Variants in DYNC1H1 observed in about 807,000 individuals in gnomAD.
The protein encoded by DYNC1H1 is dynein cytoplasmic 1 heavy chain 1.
DYNC1H1 carries 51 observed loss-of-function variants against 527.1 expected under a neutral mutation model. The observed-to-expected ratio is 0.10, with a 90% CI of 0.08 to 0.12. The LOEUF (loss-of-function observed/expected upper bound fraction) is 0.12, where lower values mean the gene tolerates loss of function less well. Among genes scored for constraint, DYNC1H1 ranks in the 10% least tolerant of loss-of-function variants. The pLI, the probability that DYNC1H1 is intolerant of heterozygous loss-of-function variation, is 1.00. For missense variants in DYNC1H1, 2,771 were observed against 5,971.8 expected (o/e 0.46, Z 17.66); for synonymous variants, 2,189 against 2,278.8 (o/e 0.96, Z 1.12).
At position 102,016,496 on chromosome 14, in the gene DYNC1H1, A is replaced by T. The variant is rs2048324330; in HGVS notation, c.7614+7A>T. The T allele has an allele frequency of 1.2e-6, 2 of 1,614,188 alleles. No homozygotes were observed. The highest frequency in any genetic ancestry group is 2.7e-5 in the African/African-American group (2 of 75,056). ...ACCCATTATCGATTATGAGGTGAGC[A>T]TGCAGCTACCACCCGTGTTTCTGAT... On this transcript the variant is annotated splice_region_variant and intron_variant, in intron 37 of 77. Coordinates refer to ENST00000360184, the MANE Select transcript of DYNC1H1 (RefSeq NM_001376.5). This position sits in a 1 kb window ranked among gnomAD's most constrained non-coding sequence, Gnocchi z 7.3.
rs1030901794 is a variant in DYNC1H1 at position 101,980,304 on chromosome 14, G to A, written c.775-60G>A. 12 of 1,586,786 alleles carry A rather than the reference G, an allele frequency of 7.6e-6. No homozygotes were observed. In the African/African-American group the frequency reaches 8.1e-5, roughly 11 times the overall value. Reference sequence around the variant, plus strand: ...GTTGTAATGCATGTGTTTTGTTAACGATATCTATTCTACCTTGTTTAAATA... The same window carrying A: ...GTTGTAATGCATGTGTTTTGTTAACAATATCTATTCTACCTTGTTTAAATA... On this transcript the variant is annotated intron_variant, in intron 4 of 77. Transcript: ENST00000360184.
At chr14:102,004,998 A>G (rs1567008027) in intron 25 of DYNC1H1, 44 bp from the exon 26 acceptor site, 4 of 1,614,232 alleles carry the variant, frequency 2.5e-6, no homozygotes, top group East Asian at 2.2e-5. Flanking sequence ...ACGCAGACCA[A>G]TCTTTAAAAT....
At chr14:102,032,570 G>T in intron 52 of DYNC1H1, 103 bp downstream of exon 52, 3 of 1,459,374 alleles carry the variant, frequency 2.1e-6, no homozygotes, top group Non-Finnish European at 1.9e-6. Flanking sequence ...CGGCTGTTCA[G>T]GCCAGGCACA....
Position 102,017,707 on chromosome 14 carries a change from C to G in DYNC1H1, c.8177+203C>G. 1.0e-6 allele frequency: 1 copy of G among 988,698 alleles called. No individual in the cohort carries two copies. The highest frequency in any genetic ancestry group is 2.3e-5 in the Admixed American group (1 of 43,896). 61.2% of individuals were successfully genotyped at this position (988,698 alleles called of 1,614,324 possible). ...ATTGGCCGGGCGCAGTGGCTTACGC[C>G]TATAATCCCAGCACTTTGGGAGGCC... On this transcript the variant is annotated intron_variant, in intron 40 of 77. Coordinates refer to ENST00000360184, the MANE Select transcript of DYNC1H1 (RefSeq NM_001376.5). The surrounding 1 kb of genome is among the most constrained non-coding windows in gnomAD (Gnocchi z 4.6).
rs1445007219 is a variant in DYNC1H1, at chr14:102,016,166, G to A, written c.7473+80G>A. On this transcript the variant is annotated intron_variant, in intron 36 of 77. Transcript: ENST00000360184. This position sits in a 1 kb window ranked among gnomAD's most constrained non-coding sequence, Gnocchi z 7.3. The stretch of plus-strand genomic sequence containing the variant: ...TGAGGACCTCTGAAATGCTGCACCT[G>A]TGGGGATGTGCGCTCTCTCCTAGGC... The A allele has an allele frequency of 1.3e-6, 2 of 1,528,932 alleles. No homozygotes were observed. Among genetic ancestry groups the A allele is most frequent in the African/African-American group, 1.4e-5 (1 of 72,598 alleles). 94.7% of individuals were successfully genotyped at this position (1,528,932 alleles called of 1,614,324 possible). A position where few individuals can be genotyped will look rare whatever the true frequency, so the allele number is the denominator to read the frequency against.
rs139978287 is a variant in DYNC1H1 at position 101,998,387 on chromosome 14, C to T, written c.3804+1113C>T. Among the ~76,000 whole-genome samples the T allele has an allele frequency of 1.4e-3, 210 of 151,008 alleles. 1 individual carries two copies. Among genetic ancestry groups the T allele is most frequent in the African/African-American group, 4.8e-3 (195 of 41,044 alleles). On this transcript the variant is annotated intron_variant, in intron 16 of 77. Coordinates refer to ENST00000360184, the MANE Select transcript of DYNC1H1 (RefSeq NM_001376.5). ...ATAAACGCTGATCTGATAATACAAA[C>T]GCCTGGACCCCTCTCCCCTTTATAA...
rs1484646489 is a variant in DYNC1H1, at chr14:102,000,115, C to T, written c.3931C>T (p.Leu1311Phe). The part of the protein sequence containing the change: ...KEALELTDTG[L>F]LSGSEERVQV... Reference sequence around the variant, plus strand: ...GGCGCTGGAATTGACAGATACTGGGCTTCTCAGTGGCAGTGAAGAGCGCGT... The same window carrying T: ...GGCGCTGGAATTGACAGATACTGGGTTTCTCAGTGGCAGTGAAGAGCGCGT... Residue 1311 changes from leucine to phenylalanine, a missense_variant, in exon 17 of 78, where the codon CTT (leucine) becomes TTT (phenylalanine). Transcript: ENST00000360184. 5 of 1,614,062 alleles carry T rather than the reference C, an allele frequency of 3.1e-6. No individual in the cohort carries two copies.
In DYNC1H1 at chr14:102,053,325, A is replaced by C. The variant is rs1222190179; in HGVS notation, c.*2762A>C. 2 of 150,844 alleles carry C rather than the reference A, an allele frequency of 1.3e-5. No homozygotes were observed. The highest frequency in any genetic ancestry group is 2.9e-5 in the Non-Finnish European group (2 of 67,822). The allele number at this position is 150,844 out of a possible 1,614,324, so 9.3% of individuals were successfully genotyped here. Reference sequence around the variant, plus strand: ...GTATTTTTAGTAGAGACGGGGTTTCACCATATTGGTCAGGCTGGTCTTGAA... The same window carrying C: ...GTATTTTTAGTAGAGACGGGGTTTCCCCATATTGGTCAGGCTGGTCTTGAA... On this transcript the variant is annotated 3_prime_UTR_variant, in exon 78 of 78. Transcript: ENST00000360184.
chr14:102,032,733 G>C (rs2048523712), intron 52 of DYNC1H1: 1 of 575,280 alleles, frequency 1.7e-6, no homozygotes, highest in South Asian at 2.0e-5. Context: ...TGCGCCTGTA[G>C]TCCTAGCTAC....
chr14:101,991,283 G>C (rs2047995581), intron 10 of DYNC1H1, among the ~76,000 whole-genome samples: 1 of 152,140 alleles, frequency 6.6e-6, no homozygotes, highest in African/African-American at 2.4e-5. Context: ...AGACCAACCT[G>C]ACCAACATGC....
In DYNC1H1 at chr14:102,027,496, A is replaced by G. The variant is rs754834522; in HGVS notation, c.9000A>G (p.Leu3000=). 1.1e-5 allele frequency: 17 copies of G among 1,614,098 alleles called. No individual in the cohort carries two copies. Among genetic ancestry groups the G allele is most frequent in the African/African-American group, 5.3e-5 (4 of 74,932 alleles). Residue 3000 remains leucine (L), a synonymous_variant, in exon 46 of 78, where the codon TTA becomes TTG. Coordinates refer to ENST00000360184, the MANE Select transcript of DYNC1H1 (RefSeq NM_001376.5). This position sits in a 1 kb window ranked among gnomAD's most constrained non-coding sequence, Gnocchi z 7.7. The stretch of plus-strand genomic sequence containing the variant: ...TTATAATGGATGAATCTAATGTGTT[A>G]GATTCTGGATTCCTGGAGCGAATGA... The part of the protein sequence containing the change: ...IAFIMDESNV[L]DSGFLERMNT...
chr14:101,981,433 T>A (rs1205135100), intron 5 of DYNC1H1, among the ~76,000 whole-genome samples: 1 of 152,256 alleles, frequency 6.6e-6, no homozygotes. Context: ...ATTATTACAA[T>A]TATTTTTAAA....
intron 12 of DYNC1H1, 21 bp downstream of exon 12, chr14:101,994,345 T>C (rs1335441235): frequency 1.9e-6 from 3 of 1,614,048 alleles, no homozygotes; most frequent in Admixed American, 3.3e-5. Flanking sequence ...CCTAATTTCA[T>C]TCAAATGTGC....
At chr14:102,035,551 C>T (rs1265615452) in intron 56 of DYNC1H1, 1 of 152,184 alleles carries the variant, frequency 6.6e-6, no homozygotes, top group African/African-American at 2.4e-5. Context: ...GTAGCCTGGC[C>T]TAGGTACAGA....
rs1465527547 is a variant in DYNC1H1 at position 101,979,491 on chromosome 14, A to G, written c.517A>G (p.Arg173Gly). 1.2e-6 allele frequency: 2 copies of G among 1,614,184 alleles called. No individual in the cohort carries two copies. Among genetic ancestry groups the G allele is most frequent in the Non-Finnish European group, 1.7e-6 (2 of 1,180,018 alleles). The change falls in exon 3 of 78, where the codon AGG becomes GGG. Residue 173 changes from arginine (R) to glycine (G), a missense_variant and splice_region_variant. Around this residue, in one of 32 missense-constraint regions of DYNC1H1, gnomAD observed 146 missense variants for 288.1 expected, o/e 0.51. Coordinates refer to ENST00000360184, the MANE Select transcript of DYNC1H1 (RefSeq NM_001376.5). The surrounding 1 kb of genome is among the most constrained non-coding windows in gnomAD (Gnocchi z 4.6). ...SYIRESGKADRDGDKMAPSVE... is the reference protein window; with the variant it reads ...SYIRESGKADGDGDKMAPSVE... ...CATTAGAGAGTCTGGCAAGGCAGAC[A>G]GGTAAAAACTGTGGTTTGAATGTTA...
In DYNC1H1 at chr14:102,018,600, T is replaced by G; in HGVS notation, c.8327T>G (p.Phe2776Cys). ...CCGCTCACTGCTGCCATGGTGGAGT[T>G]CTACACCATGTCTCAGGTACGCAGA... The part of the protein sequence containing the change: ...AEPLTAAMVE[F>C]YTMSQERFTQ... Residue 2776 changes from phenylalanine (F) to cysteine (C), a missense_variant, in exon 41 of 78, where the codon TTC (phenylalanine) becomes TGC (cysteine). Coordinates refer to ENST00000360184, the MANE Select transcript of DYNC1H1 (RefSeq NM_001376.5). The surrounding 1 kb of genome is among the most constrained non-coding windows in gnomAD (Gnocchi z 5.2). 2 of 1,613,948 alleles carry G rather than the reference T, an allele frequency of 1.2e-6. No individual in the cohort carries two copies. Among genetic ancestry groups the G allele is most frequent in the East Asian group, 2.2e-5 (1 of 44,882 alleles).
rs1383963513 is a variant in DYNC1H1 at position 102,047,651 on chromosome 14, A to G, written c.13007-166A>G. On this transcript the variant is annotated intron_variant, in intron 72 of 77. Transcript: ENST00000360184. ...TGTGTGTGTGTGTGTGTATATATATATATATATATATATGTACACACGGCT... is the reference window on the plus strand; with the variant it reads ...TGTGTGTGTGTGTGTGTATATATATGTATATATATATATGTACACACGGCT... The G allele has an allele frequency of 2.2e-5, 11 of 492,972 alleles. 1 individual carries two copies. The highest frequency in any genetic ancestry group is 8.7e-5 in the East Asian group (2 of 23,026). The allele number at this position is 492,972 out of a possible 1,614,324, so 30.5% of individuals were successfully genotyped here.
chr14:102,016,639 AAG>A lies in DYNC1H1; in HGVS notation c.7615-124_7615-123del. 6.5e-7 allele frequency: 1 copy of A among 1,544,806 alleles called. No homozygotes were observed. On this transcript the variant is annotated intron_variant, in intron 37 of 77. Transcript: ENST00000360184. This position sits in a 1 kb window ranked among gnomAD's most constrained non-coding sequence, Gnocchi z 7.3. ...ATCCTTTTAGTTCCATGTGTTAGCA[AAG>A]AGTGCAGATTAACCTGACCAATTAC...
intron 73 of DYNC1H1, 47 bp from the exon 74 acceptor site, chr14:102,048,469 G>A: frequency 6.2e-7 from 1 of 1,613,332 alleles, no homozygotes; most frequent in East Asian, 2.2e-5. Context: ...TTACACTGGA[G>A]AAAGGACCTC....
Sources: gnomAD v4.1 joint callset for allele counts (sites outside exome capture counted in the v4.1 genomes callset) on GRCh38, gnomAD v4.1.1 for gene constraint, gnomAD v4.1.1 regional missense constraint, Gnocchi (gnomAD v3.1) non-coding constraint, MANE v1.5 for transcripts, NCBI Gene and HGNC (gene_info 2026-07-23, HGNC 2026-07-21) for gene names.